The following MTUS2 variants were observed in gnomAD, a reference collection of about 807,000 sequenced individuals.
MTUS2 encodes microtubule associated scaffold protein 2.
MTUS2 carries 40 observed loss-of-function variants against 114.1 expected under a neutral mutation model. The observed-to-expected ratio is 0.35, with a 90% CI of 0.27 to 0.46. The LOEUF is 0.46. Among genes scored for constraint, MTUS2 ranks in the 20% least tolerant of loss-of-function variants. MTUS2 has a pLI of 1.00. For missense variants in MTUS2, 1,679 were observed against 1,705.4 expected (o/e 0.98, Z 0.27); for synonymous variants, 688 against 672.0 (o/e 1.02, Z -0.37).
At chr13:29,209,668 ATCTT>A (rs1163798203) in intron 5 of MTUS2, among the ~76,000 whole-genome samples, 1 of 152,068 alleles carries the variant, frequency 6.6e-6, no homozygotes, top group African/African-American at 2.4e-5. Context: ...AAAAGACTGT[ATCTT>A]TCTTTCATTT....
chr13:29,447,610 ATT>A (rs549056364), intron 9 of MTUS2, among the ~76,000 whole-genome samples: 4,242 of 111,994 alleles, frequency 0.038, 183 homozygotes, highest in African/African-American at 0.12. Context: ...TGTTGTCTCC[ATT>A]TTTTTTTTTT....
chr13:29,147,785 C>T (rs1324403668), intron 5 of MTUS2, among the ~76,000 whole-genome samples: 3 of 152,174 alleles, frequency 2.0e-5, no homozygotes, highest in East Asian at 3.8e-4. Context: ...TTTGTTATGG[C>T]TGCATAGTAC....
At chr13:29,185,127 G>A (rs900130457) in intron 5 of MTUS2, among the ~76,000 whole-genome samples, 1 of 152,022 alleles carries the variant, frequency 6.6e-6, no homozygotes, top group Non-Finnish European at 1.5e-5. Flanking sequence ...GAGTTGAAAA[G>A]TACAATGACT....
intron 4 of MTUS2, among the ~76,000 whole-genome samples, chr13:29,060,652 C>T (rs1593434218): frequency 6.7e-6 from 1 of 149,586 alleles, no homozygotes; most frequent in Non-Finnish European, 1.5e-5. Flanking sequence ...AAAATCTAAT[C>T]CTCCAATTTC....
chr13:29,391,708 A>T (rs1335322960), intron 8 of MTUS2, among the ~76,000 whole-genome samples: 1 of 152,092 alleles, frequency 6.6e-6, no homozygotes, highest in Non-Finnish European at 1.5e-5. Context: ...AAAATAAGTA[A>T]ATAAAAACTA....
intron 11 of MTUS2, among the ~76,000 whole-genome samples, chr13:29,491,569 G>T: frequency 7.8e-6 from 1 of 128,670 alleles, no homozygotes; most frequent in Middle Eastern, 4.5e-3. Flanking sequence ...TGTATGTGGG[G>T]GAGTGTGTGG....
intron 2 of MTUS2, among the ~76,000 whole-genome samples, chr13:28,937,999 A>G (rs899325974): frequency 2.0e-5 from 3 of 152,196 alleles, no homozygotes; most frequent in Non-Finnish European, 4.4e-5. Context: ...ATGCCTCGGA[A>G]TGAGGATGCT....
At chr13:28,889,824 T>G (rs1878810140) in intron 2 of MTUS2, among the ~76,000 whole-genome samples, 1 of 152,036 alleles carries the variant, frequency 6.6e-6, no homozygotes, top group Admixed American at 6.6e-5. Context: ...TCCCACTTAG[T>G]GTATGCATGT....
intron 1 of MTUS2, among the ~76,000 whole-genome samples, chr13:28,836,112 G>GTACATTTAAAATCTAGTACATTTCTAGTA (rs1593233669): frequency 1.3e-5 from 2 of 151,926 alleles, no homozygotes; most frequent in East Asian, 3.9e-4. Flanking sequence ...TCTAGTACCT[G>GTACATTTAAAATCTAGTACATTTCTAGTA]CATTTAAAAA....
At chr13:29,019,610 G>A (rs1461280412) in intron 2 of MTUS2, among the ~76,000 whole-genome samples, 2 of 152,248 alleles carry the variant, frequency 1.3e-5, no homozygotes, top group African/African-American at 4.8e-5. Context: ...GATTGGGTCA[G>A]TGGAGTTTAG....
chr13:29,197,463 T>C (rs1026083171), intron 5 of MTUS2, among the ~76,000 whole-genome samples: 1 of 152,242 alleles, frequency 6.6e-6, no homozygotes, highest in Non-Finnish European at 1.5e-5. Flanking sequence ...TTATCCAGTC[T>C]ATCATTGGTG....
At chr13:29,210,621 C>G (rs540844424) in intron 5 of MTUS2, among the ~76,000 whole-genome samples, 1 of 152,144 alleles carries the variant, frequency 6.6e-6, no homozygotes, top group East Asian at 1.9e-4. Flanking sequence ...ACAGGGTGCT[C>G]GCTTTATGTG....
chr13:29,053,550 C>A (rs1416999516), intron 4 of MTUS2, among the ~76,000 whole-genome samples: 1 of 152,178 alleles, frequency 6.6e-6, no homozygotes, highest in African/African-American at 2.4e-5. Flanking sequence ...TTCCCTTTTG[C>A]CCCTTACTAG....
chr13:29,194,191 C>A (rs1894571886), intron 5 of MTUS2, among the ~76,000 whole-genome samples: 1 of 151,550 alleles, frequency 6.6e-6, no homozygotes, highest in African/African-American at 2.4e-5. Flanking sequence ...TGGGCAAGGA[C>A]TTCATGTCTA....
At chr13:28,836,604 T>C (rs1416125941) in intron 1 of MTUS2, among the ~76,000 whole-genome samples, 3 of 152,034 alleles carry the variant, frequency 2.0e-5, no homozygotes, top group Non-Finnish European at 2.9e-5. Context: ...AAAGAGTTGG[T>C]AGTGGTCAGG....
intron 2 of MTUS2, among the ~76,000 whole-genome samples, chr13:28,927,567 TAAAAAA>T (rs1478473994): frequency 2.0e-5 from 3 of 152,104 alleles, no homozygotes; most frequent in African/African-American, 7.2e-5. Flanking sequence ...CCTTGTCTCT[TAAAAAA>T]TGAATTACAA....
chr13:29,124,904 A>G (rs4769681), intron 5 of MTUS2, among the ~76,000 whole-genome samples: 65,071 of 152,014 alleles, frequency 0.43, 15,446 homozygotes, highest in Non-Finnish European at 0.52. Context: ...AGAGACGGAA[A>G]GTAAAATGGG....
intron 7 of MTUS2, among the ~76,000 whole-genome samples, chr13:29,332,320 C>T (rs1593312653): frequency 7.6e-6 from 1 of 131,716 alleles, no homozygotes; most frequent in African/African-American, 4.3e-5. Context: ...TTATCCATTT[C>T]TTCTAGATTT....
At chr13:29,351,956 A>G (rs1196080903) in intron 7 of MTUS2, among the ~76,000 whole-genome samples, 1 of 151,926 alleles carries the variant, frequency 6.6e-6, no homozygotes, top group Non-Finnish European at 1.5e-5. Context: ...GTTCCTTAGC[A>G]CTTTCATTTT....
Sources: allele counts gnomAD v4.1 joint callset (sites outside exome capture counted in the v4.1 genomes callset), GRCh38; gene constraint gnomAD v4.1.1; transcripts MANE v1.5; gene names NCBI Gene and HGNC (gene_info 2026-07-23, HGNC 2026-07-21).